PPARGC1A: variants seen among roughly 807,000 people sequenced by gnomAD.
PPARGC1A encodes the protein peroxisome proliferator-activated receptor gamma coactivator 1-alpha.
A neutral mutation model predicts 88.7 loss-of-function variants in PPARGC1A; 25 were observed. That is an observed-to-expected ratio of 0.28 (90% CI 0.21 to 0.39). The LOEUF (loss-of-function observed/expected upper bound fraction) is 0.39, where lower values mean the gene tolerates loss of function less well. Among genes scored for constraint, PPARGC1A ranks in the 10% least tolerant of loss-of-function variants. PPARGC1A has a pLI of 1.00. For missense variants in PPARGC1A, 880 were observed against 968.7 expected (o/e 0.91, Z 1.22); for synonymous variants, 363 against 355.6 (o/e 1.02, Z -0.24).
At chr4:23,955,333 A>T in the PPARGC1A span, among the ~76,000 whole-genome samples, 2 of 152,122 alleles carry the variant, frequency 1.3e-5, no homozygotes, top group African/African-American at 2.4e-5. Context: ...AACAACATTG[A>T]TTTATGCCTT....
chr4:24,056,301 CCCCAA>C, the PPARGC1A span, among the ~76,000 whole-genome samples: 1 of 152,114 alleles, frequency 6.6e-6, no homozygotes, highest in Non-Finnish European at 1.5e-5. Flanking sequence ...GCCATTCTGC[CCCCAA>C]CCCTAGGAGG....
chr4:23,887,988 G>A (rs978990381), intron 1 of PPARGC1A, among the ~76,000 whole-genome samples: 3 of 152,162 alleles, frequency 2.0e-5, no homozygotes, highest in Non-Finnish European at 4.4e-5. Context: ...AGTAGCTATA[G>A]TGATATAGGC....
At chr4:24,432,923 C>A in the PPARGC1A span, among the ~76,000 whole-genome samples, 1 of 152,186 alleles carries the variant, frequency 6.6e-6, no homozygotes, top group Non-Finnish European at 1.5e-5. Context: ...AGGCACCTGG[C>A]AATCTCTCTT....
the PPARGC1A span, among the ~76,000 whole-genome samples, chr4:23,928,770 CAAAAA>C: frequency 7.3e-6 from 1 of 136,214 alleles, no homozygotes; most frequent in African/African-American, 2.7e-5. Context: ...ACAAAAAAAA[CAAAAA>C]AAAACAACAA....
chr4:23,809,582 G>A lies in PPARGC1A; in HGVS notation c.2019+3165C>T, dbSNP rs548539782. On this transcript the variant is annotated intron_variant, in intron 10 of 12. Coordinates refer to ENST00000264867, the MANE Select transcript of PPARGC1A (RefSeq NM_013261.5). Reference sequence around the variant, plus strand: ...CAGTATGTCATGTAAAATTTTCTAAGAGCCACATTTTAAAAAGTAAAAATA... The same window carrying A: ...CAGTATGTCATGTAAAATTTTCTAAAAGCCACATTTTAAAAAGTAAAAATA... Among the ~76,000 whole-genome samples the A allele has an allele frequency of 3.3e-5, 5 of 152,134 alleles. No homozygotes were observed. The East Asian group carries it at 9.7e-4, about 29-fold the overall frequency.
intron 10 of PPARGC1A, among the ~76,000 whole-genome samples, chr4:23,809,774 T>C (rs1720525197): frequency 1.3e-5 from 2 of 152,144 alleles, no homozygotes; most frequent in Admixed American, 1.3e-4. Flanking sequence ...CCCAATCAAA[T>C]TAACCGTGTG....
chr4:24,411,071 G>A, the PPARGC1A span, among the ~76,000 whole-genome samples: 1 of 152,108 alleles, frequency 6.6e-6, no homozygotes, highest in African/African-American at 2.4e-5. Flanking sequence ...AGCTTAATGA[G>A]GTTTTTGCAT....
At chr4:24,316,653 A>C in the PPARGC1A span, among the ~76,000 whole-genome samples, 9 of 152,250 alleles carry the variant, frequency 5.9e-5, no homozygotes, top group Non-Finnish European at 1.2e-4. Flanking sequence ...CCATTTACTC[A>C]TGCAAGACCT....
chr4:24,204,941 G>A, the PPARGC1A span, among the ~76,000 whole-genome samples: 2 of 152,068 alleles, frequency 1.3e-5, no homozygotes, highest in African/African-American at 2.4e-5. Context: ...CTCAGTTTCA[G>A]TCTCCCAAGT....
chr4:24,187,800 T>C, the PPARGC1A span, among the ~76,000 whole-genome samples: 5 of 152,180 alleles, frequency 3.3e-5, no homozygotes, highest in Admixed American at 3.3e-4. Flanking sequence ...GAGGAGATAA[T>C]GTTAAGTAAG....
chr4:23,967,355 C>G, the PPARGC1A span, among the ~76,000 whole-genome samples: 1 of 152,154 alleles, frequency 6.6e-6, no homozygotes, highest in Non-Finnish European at 1.5e-5. Flanking sequence ...ATTCTGGGAA[C>G]TACTTATTGA....
the PPARGC1A span, among the ~76,000 whole-genome samples, chr4:23,910,423 T>C: frequency 8.4e-6 from 1 of 118,942 alleles, no homozygotes; most frequent in Non-Finnish European, 1.6e-5. Flanking sequence ...ATATATATTA[T>C]TAATATAATA....
At chr4:24,339,794 A>G in the PPARGC1A span, among the ~76,000 whole-genome samples, 117 of 152,232 alleles carry the variant, frequency 7.7e-4, 2 homozygotes, top group Admixed American at 6.5e-3. Flanking sequence ...GCTGGAGTGC[A>G]GTGGTGCGAT....
At chr4:24,383,846 C>A in the PPARGC1A span, among the ~76,000 whole-genome samples, 1 of 152,120 alleles carries the variant, frequency 6.6e-6, no homozygotes, top group Non-Finnish European at 1.5e-5. Flanking sequence ...GCAAGACAAG[C>A]CAACATTCAA....
At chr4:23,970,083 C>A in the PPARGC1A span, among the ~76,000 whole-genome samples, 1 of 152,198 alleles carries the variant, frequency 6.6e-6, no homozygotes, top group Non-Finnish European at 1.5e-5. Context: ...TACCCCATCC[C>A]TGATTGACTG....
the PPARGC1A span, among the ~76,000 whole-genome samples, chr4:24,434,535 G>A: frequency 2.0e-5 from 3 of 152,268 alleles, no homozygotes; most frequent in African/African-American, 4.8e-5. Context: ...CACAAATGGC[G>A]CTCGCGTGAC....
the PPARGC1A span, among the ~76,000 whole-genome samples, chr4:24,109,370 A>C: frequency 5.3e-5 from 8 of 151,410 alleles, no homozygotes; most frequent in Non-Finnish European, 7.4e-5. Context: ...ACCTCTCTCC[A>C]TAAGAATGCA....
chr4:24,177,883 G>T, the PPARGC1A span, among the ~76,000 whole-genome samples: 4 of 152,184 alleles, frequency 2.6e-5, no homozygotes, highest in South Asian at 8.3e-4. Flanking sequence ...TGGAATGAGT[G>T]AGCCACTACT....
chr4:24,375,957 T>C, the PPARGC1A span, among the ~76,000 whole-genome samples: 1 of 151,504 alleles, frequency 6.6e-6, no homozygotes, highest in Non-Finnish European at 1.5e-5. Flanking sequence ...TGGTTACTAG[T>C]GATATTGTGG....
Sources: gnomAD v4.1 joint callset for allele counts (sites outside exome capture counted in the v4.1 genomes callset) on GRCh38, gnomAD v4.1.1 for gene constraint, MANE v1.5 for transcripts, NCBI Gene and HGNC (gene_info 2026-07-23, HGNC 2026-07-21) for gene names.